The following NKAIN3 variants were observed in gnomAD, a reference collection of about 807,000 sequenced individuals.
NKAIN3 encodes sodium/potassium-transporting ATPase subunit beta-1-interacting protein 3.
NKAIN3 carries 25 observed loss-of-function variants against 30.2 expected under a neutral mutation model. The observed-to-expected ratio is 0.83, with a 90% CI of 0.60 to 1.16. The LOEUF (loss-of-function observed/expected upper bound fraction) is 1.16. NKAIN3 is among the 50% of genes most tolerant of loss of function. NKAIN3 has a pLI of 0.00. For synonymous variants in NKAIN3, 91 were observed against 89.6 expected, an observed-to-expected ratio of 1.02 and a Z score of -0.09; for missense variants, 225 against 254.1, an observed-to-expected ratio of 0.89 and a Z score of 0.78.
At chr8:62,293,373 T>C (rs1813717459) in intron 1 of NKAIN3, among the ~76,000 whole-genome samples, 1 of 152,228 alleles carries the variant, frequency 6.6e-6, no homozygotes, top group Admixed American at 6.5e-5. Flanking sequence ...CTGTTTTATC[T>C]ACCTTTGGTC....
intron 1 of NKAIN3, among the ~76,000 whole-genome samples, chr8:62,550,511 C>A (rs540528235): frequency 6.6e-6 from 1 of 152,274 alleles, no homozygotes; most frequent in South Asian, 2.1e-4. Flanking sequence ...CTGGCATTGG[C>A]TGAATTGAAC....
rs540281212 is a variant in NKAIN3 at position 62,974,888 on chromosome 8, C to T, written c.*9481C>T. On this transcript the variant is annotated 3_prime_UTR_variant, in exon 7 of 7. Transcript: ENST00000623646. The stretch of plus-strand genomic sequence containing the variant: ...AGCATGAAGGAGGGTTGAATTTTGT[C>T]GAAGGCCTTTTCCGCATCTATTGAG... 2.0e-5 allele frequency among the ~76,000 whole-genome samples: 3 copies of T among 152,224 alleles called. No individual in the cohort carries two copies. Among genetic ancestry groups the T allele is most frequent in the African/African-American group, 7.2e-5 (3 of 41,534 alleles).
At chr8:62,614,814 A>G (rs982398443) in intron 3 of NKAIN3, among the ~76,000 whole-genome samples, 80 of 152,042 alleles carry the variant, frequency 5.3e-4, no homozygotes, top group Non-Finnish European at 8.7e-4. Context: ...GTACTGCCAG[A>G]CTACCTCTAA....
chr8:62,836,330 T>A (rs1819363593), intron 4 of NKAIN3, among the ~76,000 whole-genome samples: 1 of 152,076 alleles, frequency 6.6e-6, no homozygotes, highest in African/African-American at 2.4e-5. Flanking sequence ...TAATAAAAGT[T>A]GAAATTATTT....
At chr8:62,464,607 A>G (rs1806097454) in intron 1 of NKAIN3, among the ~76,000 whole-genome samples, 2 of 152,218 alleles carry the variant, frequency 1.3e-5, no homozygotes, top group Non-Finnish European at 2.9e-5. Flanking sequence ...AGTAACAGAT[A>G]TATCCTAATG....
chr8:62,772,910 C>T (rs1362934171), intron 4 of NKAIN3, among the ~76,000 whole-genome samples: 2 of 152,136 alleles, frequency 1.3e-5, no homozygotes, highest in African/African-American at 4.8e-5. Context: ...CTACCCACCT[C>T]ACCCTCCCAA....
At chr8:62,448,443 T>C (rs1481209917) in intron 1 of NKAIN3, among the ~76,000 whole-genome samples, 2 of 147,084 alleles carry the variant, frequency 1.4e-5, no homozygotes, top group African/African-American at 2.5e-5. Flanking sequence ...TATATAAAAA[T>C]AATAGTAACA....
chr8:62,614,438 G>T (rs561268788), intron 3 of NKAIN3, among the ~76,000 whole-genome samples: 4 of 152,228 alleles, frequency 2.6e-5, no homozygotes, highest in Admixed American at 2.6e-4. Flanking sequence ...CTATGACTTT[G>T]CTGGGTCAGA....
intron 4 of NKAIN3, among the ~76,000 whole-genome samples, chr8:62,866,732 G>C (rs1820426546): frequency 6.6e-6 from 1 of 152,044 alleles, no homozygotes; most frequent in Admixed American, 6.6e-5. Flanking sequence ...CATTGTTTGA[G>C]GTGTTTGCGG....
At chr8:62,629,174 A>G (rs1463136869) in intron 3 of NKAIN3, among the ~76,000 whole-genome samples, 1 of 152,138 alleles carries the variant, frequency 6.6e-6, no homozygotes, top group Non-Finnish European at 1.5e-5. Flanking sequence ...TAATGCTGGC[A>G]AATCACCTGG....
In NKAIN3 at chr8:62,548,615, C is replaced by T. The variant is rs534840088; in HGVS notation, c.55-30924C>T. Reference sequence around the variant, plus strand: ...GGAACAAATAAAGCAAATTATGGCACGTCAAACCAGTGGAGTAAAATGTCA... The same window carrying T: ...GGAACAAATAAAGCAAATTATGGCATGTCAAACCAGTGGAGTAAAATGTCA... On this transcript the variant is annotated intron_variant, in intron 1 of 6. Transcript: ENST00000623646. 2.3e-4 allele frequency among the ~76,000 whole-genome samples: 35 copies of T among 152,038 alleles called. No individual in the cohort carries two copies. In the East Asian group the frequency reaches 5.8e-3, roughly 25 times the overall value.
At chr8:62,249,309 G>T (rs1241602025) in intron 1 of NKAIN3, among the ~76,000 whole-genome samples, 182 bp downstream of exon 1, 3 of 152,326 alleles carry the variant, frequency 2.0e-5, no homozygotes, top group African/African-American at 7.2e-5. Flanking sequence ...GCGGGCACTC[G>T]CCAGGTCGCC....
intron 5 of NKAIN3, among the ~76,000 whole-genome samples, chr8:62,928,289 T>G (rs2130868114): frequency 6.6e-6 from 1 of 152,332 alleles, no homozygotes; most frequent in Non-Finnish European, 1.5e-5. Context: ...TTTATCCACA[T>G]TTTTCCTCAT....
At chr8:62,376,904 A>C (rs1398765991) in intron 1 of NKAIN3, among the ~76,000 whole-genome samples, 2 of 152,170 alleles carry the variant, frequency 1.3e-5, no homozygotes, top group African/African-American at 2.4e-5. Flanking sequence ...TAATTAAGTC[A>C]CAATAGCTAC....
chr8:62,706,843 C>G (rs1040350174), intron 3 of NKAIN3, among the ~76,000 whole-genome samples: 8 of 152,038 alleles, frequency 5.3e-5, no homozygotes, highest in African/African-American at 1.7e-4. Flanking sequence ...CCCTCCCACT[C>G]TTCCTCCCAA....
intron 3 of NKAIN3, among the ~76,000 whole-genome samples, chr8:62,612,048 A>G (rs1425472420): frequency 6.6e-6 from 1 of 152,056 alleles, no homozygotes; most frequent in Non-Finnish European, 1.5e-5. Context: ...CAATGATGCT[A>G]AACACCTTTT....
In NKAIN3 at chr8:62,972,537, G is replaced by A. The variant is rs920838757; in HGVS notation, c.*7130G>A. On this transcript the variant is annotated 3_prime_UTR_variant, in exon 7 of 7. Coordinates refer to ENST00000623646, the MANE Select transcript of NKAIN3 (RefSeq NM_001304533.3). ...ATTTTTTTGTCTCTCTCTGAATCAA[G>A]TTCGTCGTCTATTTACGTGCTTCTC... 6.6e-6 allele frequency among the ~76,000 whole-genome samples: 1 copy of A among 152,046 alleles called. No homozygotes were observed. The highest frequency in any genetic ancestry group is 2.4e-5 in the African/African-American group (1 of 41,400).
chr8:62,910,787 G>A (rs1228881599), intron 4 of NKAIN3, among the ~76,000 whole-genome samples: 1 of 150,394 alleles, frequency 6.6e-6, no homozygotes, highest in Non-Finnish European at 1.5e-5. Flanking sequence ...TTGGTCTCCT[G>A]TTGGATTTCC....
chr8:62,562,321 T>C (rs1809612063), intron 1 of NKAIN3, among the ~76,000 whole-genome samples: 4 of 152,160 alleles, frequency 2.6e-5, no homozygotes, highest in Non-Finnish European at 2.9e-5. Context: ...CCTTGAGATG[T>C]TGAAGAGTAA....
Sources: gnomAD v4.1 joint callset for allele counts (sites outside exome capture counted in the v4.1 genomes callset) on GRCh38, gnomAD v4.1.1 for gene constraint, MANE v1.5 for transcripts, NCBI Gene and HGNC (gene_info 2026-07-23, HGNC 2026-07-21) for gene names.